Variants in CAB39L observed in about 807,000 individuals in gnomAD.
The protein encoded by CAB39L is calcium-binding protein 39-like.
Under a neutral mutation model 39.1 loss-of-function variants are expected in CAB39L, and 23 were observed. The ratio of observed to expected loss-of-function variants is 0.59; its 90% CI spans 0.42 to 0.83. The LOEUF is 0.83. Among genes scored for constraint, CAB39L ranks in the 40% least tolerant of loss-of-function variants. The pLI is 0.00. For synonymous variants in CAB39L, 126 were observed against 137.2 expected (o/e 0.92, Z 0.57); for missense variants, 366 against 391.9 (o/e 0.93, Z 0.56).
intron 3 of CAB39L, among the ~76,000 whole-genome samples, chr13:49,384,070 A>C (rs1956303780): frequency 6.6e-6 from 1 of 152,176 alleles, no homozygotes; most frequent in Non-Finnish European, 1.5e-5. Context: ...ATAGCATGTG[A>C]TGCAGTTTGT....
chr13:49,332,199 T>A, intron 9 of CAB39L, 109 bp from the exon 10 acceptor site: 1 of 1,341,160 alleles, frequency 7.5e-7, no homozygotes, highest in Non-Finnish European at 1.0e-6. Flanking sequence ...AAGAATGGTG[T>A]TGTGAAAAAA....
At chr13:49,405,734 G>GAAGGAAGGAAGGAAGGAAGGAAGGAAGA (rs1338713863) in intron 3 of CAB39L, among the ~76,000 whole-genome samples, 1 of 128,732 alleles carries the variant, frequency 7.8e-6, no homozygotes, top group Admixed American at 8.2e-5. Flanking sequence ...AGGAAGGAAG[G>GAAGGAAGGAAGGAAGGAAGGAAGGAAGA]AAGGAAGGAA....
chr13:49,438,127 G>T (rs112566381), intron 1 of CAB39L, among the ~76,000 whole-genome samples: 8 of 152,154 alleles, frequency 5.3e-5, no homozygotes, highest in Non-Finnish European at 8.8e-5. Flanking sequence ...ATTAGCCACC[G>T]TGTCCAGCTG....
At chr13:49,382,020 A>G (rs2138589099) in intron 4 of CAB39L, among the ~76,000 whole-genome samples, 1 of 152,350 alleles carries the variant, frequency 6.6e-6, no homozygotes, top group East Asian at 1.9e-4. Context: ...AACACTTAAC[A>G]TCATCACACC....
At chr13:49,361,199 G>A (rs1309248340) in intron 5 of CAB39L, among the ~76,000 whole-genome samples, 1 of 152,036 alleles carries the variant, frequency 6.6e-6, no homozygotes, top group South Asian at 2.1e-4. Context: ...ATACAAAAAG[G>A]CCAGGCGCAG....
At chr13:49,330,299 T>G (rs1204791387) in intron 10 of CAB39L, among the ~76,000 whole-genome samples, 1 of 152,216 alleles carries the variant, frequency 6.6e-6, no homozygotes, top group Non-Finnish European at 1.5e-5. Flanking sequence ...AAAGTAACTT[T>G]CTTTTTACCA....
chr13:49,362,975 T>C (rs1288106332), intron 5 of CAB39L, among the ~76,000 whole-genome samples: 1 of 152,126 alleles, frequency 6.6e-6, no homozygotes, highest in Admixed American at 6.6e-5. Flanking sequence ...AACAAATCTT[T>C]TACCCTAGTA....
intron 3 of CAB39L, among the ~76,000 whole-genome samples, chr13:49,421,273 G>C (rs944868832): frequency 6.6e-6 from 1 of 152,110 alleles, no homozygotes; most frequent in African/African-American, 2.4e-5. Flanking sequence ...AAAACTTAAA[G>C]GCAATAAATA....
At position 49,310,640 on chromosome 13, in the gene CAB39L, A is replaced by G. The variant is rs770632729; in HGVS notation, c.*174T>C. ...CAGACTTGACTAAAATGAATATATT[A>G]TTCTAGGTTAATTTTTTTCCATTCA... On this transcript the variant is annotated 3_prime_UTR_variant, in exon 11 of 11. Coordinates refer to ENST00000409308, the MANE Select transcript of CAB39L (RefSeq NM_001079670.3). 1.8e-5 allele frequency: 10 copies of G among 542,200 alleles called. No individual in the cohort carries two copies. The highest frequency in any genetic ancestry group is 3.3e-5 in the Non-Finnish European group (10 of 307,538). 33.6% of individuals were successfully genotyped at this position (542,200 alleles called of 1,614,324 possible).
chr13:49,391,653 T>C (rs1956490973), intron 3 of CAB39L, among the ~76,000 whole-genome samples: 1 of 152,124 alleles, frequency 6.6e-6, no homozygotes, highest in South Asian at 2.1e-4. Flanking sequence ...TTTTCTATAA[T>C]CACATCATAC....
intron 8 of CAB39L, among the ~76,000 whole-genome samples, chr13:49,343,453 T>C (rs772463890): frequency 7.2e-5 from 11 of 152,152 alleles, no homozygotes; most frequent in Non-Finnish European, 1.6e-4. Flanking sequence ...AAGTCCATAC[T>C]GTGCTCTTAA....
intron 10 of CAB39L, among the ~76,000 whole-genome samples, chr13:49,313,231 T>C (rs9568184): frequency 0.014 from 2,163 of 152,154 alleles, 41 homozygotes; most frequent in African/African-American, 0.037. Context: ...CCTGTAATCC[T>C]AGTACTTTGG....
intron 3 of CAB39L, among the ~76,000 whole-genome samples, chr13:49,390,680 A>G (rs1373494535): frequency 6.6e-6 from 1 of 152,238 alleles, no homozygotes; most frequent in Non-Finnish European, 1.5e-5. Context: ...GAAGTAAACA[A>G]TGAATGAGAA....
intron 3 of CAB39L, among the ~76,000 whole-genome samples, chr13:49,419,405 C>T (rs1441731604): frequency 6.6e-6 from 1 of 152,132 alleles, no homozygotes; most frequent in African/African-American, 2.4e-5. Context: ...TGGCAAAACC[C>T]TGTCTCTCAA....
At chr13:49,315,614 A>G (rs9316438) in intron 10 of CAB39L, among the ~76,000 whole-genome samples, 151,720 of 152,284 alleles carry the variant, frequency 1, 75,581 homozygotes, top group Middle Eastern at 1. Flanking sequence ...TGGACTGGGT[A>G]CGGTGGCTCA....
At chr13:49,378,521 C>G (rs1229327242) in intron 4 of CAB39L, among the ~76,000 whole-genome samples, 1 of 67,354 alleles carries the variant, frequency 1.5e-5, no homozygotes, top group Non-Finnish European at 3.0e-5. Context: ...CCAGCCACCC[C>G]GTCCGGGAGG....
intron 3 of CAB39L, among the ~76,000 whole-genome samples, chr13:49,412,596 G>A (rs1171326980): frequency 6.6e-6 from 1 of 152,098 alleles, no homozygotes; most frequent in Non-Finnish European, 1.5e-5. Flanking sequence ...GTGTTTGAGG[G>A]CTAAATCTCA....
At chr13:49,320,138 A>G (rs9596080) in intron 10 of CAB39L, among the ~76,000 whole-genome samples, 46,325 of 152,048 alleles carry the variant, frequency 0.3, 7,219 homozygotes, top group East Asian at 0.51. Flanking sequence ...TGGGGCAGCC[A>G]GGACACTGGT....
chr13:49,341,385 T>C (rs1263584646), intron 8 of CAB39L, among the ~76,000 whole-genome samples: 1 of 152,098 alleles, frequency 6.6e-6, no homozygotes, highest in Non-Finnish European at 1.5e-5. Context: ...CCCGAGTAGA[T>C]GGGATTACAG....
Sources: allele counts gnomAD v4.1 joint callset (sites outside exome capture counted in the v4.1 genomes callset), GRCh38; gene constraint gnomAD v4.1.1; transcripts MANE v1.5; gene names NCBI Gene and HGNC (gene_info 2026-07-23, HGNC 2026-07-21).